LDLRAD3: variants seen among roughly 807,000 people sequenced by gnomAD.
LDLRAD3 encodes low-density lipoprotein receptor class A domain-containing protein 3.
In LDLRAD3, 20 loss-of-function variants were observed where a neutral mutation model predicts 29.4. The observed-to-expected ratio is 0.68, with a 90% confidence interval of 0.48 to 0.99. LDLRAD3 has a LOEUF of 0.99. LDLRAD3 is among the 50% of genes least tolerant of loss of function. The pLI, the probability that LDLRAD3 is intolerant of heterozygous loss-of-function variation, is 0.00. For missense variants in LDLRAD3, 420 were observed against 454.3 expected, an observed-to-expected ratio of 0.92 and a Z score of 0.69; for synonymous variants, 157 against 192.7, an observed-to-expected ratio of 0.81 and a Z score of 1.53.
intron 4 of LDLRAD3, among the ~76,000 whole-genome samples, chr11:36,190,727 A>G (rs1333957681): frequency 2.0e-5 from 3 of 152,196 alleles, no homozygotes; most frequent in African/African-American, 7.2e-5. Flanking sequence ...AGCCCACCTA[A>G]TGCTCAGATT....
At chr11:36,070,935 T>G (rs983841010) in intron 2 of LDLRAD3, among the ~76,000 whole-genome samples, 2 of 152,088 alleles carry the variant, frequency 1.3e-5, no homozygotes, top group African/African-American at 4.8e-5. Flanking sequence ...TCAAGGAGCA[T>G]CTCACAGAAG....
chr11:35,956,476 C>T (rs930764331), intron 1 of LDLRAD3, among the ~76,000 whole-genome samples: 1 of 152,164 alleles, frequency 6.6e-6, no homozygotes, highest in African/African-American at 2.4e-5. Flanking sequence ...GAATCAGAAT[C>T]TGCATTTTAA....
At chr11:36,147,786 G>A (rs1854219357) in intron 4 of LDLRAD3, among the ~76,000 whole-genome samples, 1 of 152,192 alleles carries the variant, frequency 6.6e-6, no homozygotes, top group Non-Finnish European at 1.5e-5. Flanking sequence ...ATGCCCTGTG[G>A]TATTACAAGG....
intron 4 of LDLRAD3, among the ~76,000 whole-genome samples, chr11:36,224,659 T>A (rs548979473): frequency 1.2e-3 from 179 of 152,298 alleles, no homozygotes; most frequent in Middle Eastern, 0.01. Flanking sequence ...ACTTGGAGAA[T>A]CTTTGTAGCT....
intron 4 of LDLRAD3, among the ~76,000 whole-genome samples, chr11:36,209,401 C>G (rs1461549413): frequency 6.9e-6 from 1 of 145,820 alleles, no homozygotes; most frequent in Non-Finnish European, 1.5e-5. Context: ...GCTCTGTCAC[C>G]CAGGCTGGAG....
intron 4 of LDLRAD3, among the ~76,000 whole-genome samples, chr11:36,190,090 G>A (rs1354907063): frequency 6.6e-6 from 1 of 151,430 alleles, no homozygotes; most frequent in Non-Finnish European, 1.5e-5. Flanking sequence ...GGAGGAGGAG[G>A]AGAAAGAGGA....
intron 4 of LDLRAD3, among the ~76,000 whole-genome samples, chr11:36,145,077 C>T (rs1337754753): frequency 3.9e-4 from 37 of 95,068 alleles, no homozygotes; most frequent in Admixed American, 5.4e-4. Context: ...GCCCCTCTGC[C>T]CGGCCAGCCG....
intron 1 of LDLRAD3, among the ~76,000 whole-genome samples, chr11:36,000,517 C>A (rs1369571978): frequency 6.6e-6 from 1 of 152,042 alleles, no homozygotes; most frequent in Non-Finnish European, 1.5e-5. Context: ...GAAATGATGG[C>A]AGAATACTAA....
chr11:36,113,502 AGAT>A (rs1853633492), intron 4 of LDLRAD3, among the ~76,000 whole-genome samples: 1 of 152,130 alleles, frequency 6.6e-6, no homozygotes, highest in Admixed American at 6.5e-5. Flanking sequence ...ATATATAAGA[AGAT>A]GACCTGAAAG....
chr11:36,113,863 G>A (rs1047024847), intron 4 of LDLRAD3, among the ~76,000 whole-genome samples: 2 of 151,940 alleles, frequency 1.3e-5, no homozygotes, highest in African/African-American at 4.8e-5. Flanking sequence ...TAGTAGAGAC[G>A]GAGTTTCGCC....
chr11:36,066,516 T>C (rs1852796159), intron 2 of LDLRAD3, among the ~76,000 whole-genome samples: 1 of 152,254 alleles, frequency 6.6e-6, no homozygotes, highest in South Asian at 2.1e-4. Flanking sequence ...CATTCCAATG[T>C]ATATGCACAC....
chr11:36,215,632 G>A (rs1855342283), intron 4 of LDLRAD3, among the ~76,000 whole-genome samples: 1 of 152,152 alleles, frequency 6.6e-6, no homozygotes. Flanking sequence ...TGTGCAAAAC[G>A]AACAGCCCTG....
chr11:36,181,795 G>T (rs1854767440), intron 4 of LDLRAD3, among the ~76,000 whole-genome samples: 3 of 152,188 alleles, frequency 2.0e-5, no homozygotes, highest in Admixed American at 1.3e-4. Context: ...ATAACATTTT[G>T]AAAATGTAAG....
At chr11:36,014,595 G>A (rs1007431493) in intron 1 of LDLRAD3, among the ~76,000 whole-genome samples, 3 of 152,164 alleles carry the variant, frequency 2.0e-5, no homozygotes, top group African/African-American at 2.4e-5. Context: ...CTTTGCTGGC[G>A]AGGTGAAATC....
chr11:36,072,796 C>T (rs374490297), intron 2 of LDLRAD3, among the ~76,000 whole-genome samples: 7 of 152,306 alleles, frequency 4.6e-5, no homozygotes, highest in Non-Finnish European at 7.3e-5. Flanking sequence ...AGCTGTTACA[C>T]GAGTCTTTGT....
At position 36,231,999 on chromosome 11, in the gene LDLRAD3, C is replaced by T. The variant is rs750599807; in HGVS notation, c.*2602C>T. ...AAATTGACATTTTTAAAAAATGCAA[C>T]TAAGTGGTTAATAGTGTGTGACGCT... On this transcript the variant is annotated 3_prime_UTR_variant, in exon 6 of 6. Coordinates refer to ENST00000315571, the MANE Select transcript of LDLRAD3 (RefSeq NM_174902.4). 5.3e-5 allele frequency: 8 copies of T among 152,178 alleles called. No individual in the cohort carries two copies. The highest frequency in any genetic ancestry group is 8.8e-5 in the Non-Finnish European group (6 of 68,038). The allele number at this position is 152,178 out of a possible 1,614,324, so 9.4% of individuals were successfully genotyped here.
intron 2 of LDLRAD3, among the ~76,000 whole-genome samples, chr11:36,066,535 C>G (rs1852796416): frequency 6.6e-6 from 1 of 152,206 alleles, no homozygotes; most frequent in Non-Finnish European, 1.5e-5. Context: ...ACAAAAACCT[C>G]TTTATCCACA....
At chr11:35,965,951 CT>C (rs1433793164) in intron 1 of LDLRAD3, among the ~76,000 whole-genome samples, 1 of 152,162 alleles carries the variant, frequency 6.6e-6, no homozygotes, top group African/African-American at 2.4e-5. Context: ...CTGTTATTAA[CT>C]TTTGGATCTG....
At chr11:36,101,459 T>C (rs1370557665) in intron 4 of LDLRAD3, among the ~76,000 whole-genome samples, 1 of 152,236 alleles carries the variant, frequency 6.6e-6, no homozygotes, top group Non-Finnish European at 1.5e-5. Flanking sequence ...TTTTAAGTTA[T>C]GTGAGTTCAG....
Sources: allele counts gnomAD v4.1 joint callset (sites outside exome capture counted in the v4.1 genomes callset), GRCh38; gene constraint gnomAD v4.1.1; transcripts MANE v1.5; gene names NCBI Gene and HGNC (gene_info 2026-07-23, HGNC 2026-07-21).